Variants in PTPRT observed in about 807,000 individuals in gnomAD.
PTPRT encodes the protein receptor-type tyrosine-protein phosphatase T.
In PTPRT, 56 loss-of-function variants were observed where a neutral mutation model predicts 176.8. The ratio of observed to expected loss-of-function variants is 0.32; its 90% CI spans 0.26 to 0.40. The LOEUF is 0.40. PTPRT is among the 10% of genes least tolerant of loss of function. The pLI is 1.00. For missense variants in PTPRT, 1,540 were observed against 1,908.2 expected, an observed-to-expected ratio of 0.81 and a Z score of 3.60; for synonymous variants, 783 against 739.0, an observed-to-expected ratio of 1.06 and a Z score of -0.96.
chr20:42,209,585 A>G (rs949987344), intron 15 of PTPRT, among the ~76,000 whole-genome samples: 48 of 152,262 alleles, frequency 3.2e-4, no homozygotes, highest in African/African-American at 1.1e-3. Flanking sequence ...CACTCTCCCA[A>G]GACTAAACCA....
chr20:42,543,128 C>CAGTGA (rs2072613343), intron 7 of PTPRT, among the ~76,000 whole-genome samples: 1 of 152,136 alleles, frequency 6.6e-6, no homozygotes, highest in Non-Finnish European at 1.5e-5. Flanking sequence ...AATAAAACAA[C>CAGTGA]AGTGAAGTTT....
chr20:42,429,611 G>A (rs1346354931), intron 9 of PTPRT, among the ~76,000 whole-genome samples: 1 of 152,164 alleles, frequency 6.6e-6, no homozygotes, highest in Non-Finnish European at 1.5e-5. Flanking sequence ...AAAGGTGGAG[G>A]GAAGACATGA....
intron 1 of PTPRT, among the ~76,000 whole-genome samples, chr20:42,928,896 A>C (rs1979655942): frequency 6.6e-6 from 1 of 152,226 alleles, no homozygotes; most frequent in African/African-American, 2.4e-5. Context: ...TGTCAGTCCC[A>C]TCTTTTGATT....
At chr20:42,836,675 T>G (rs558760318) in intron 2 of PTPRT, among the ~76,000 whole-genome samples, 37 of 152,302 alleles carry the variant, frequency 2.4e-4, no homozygotes, top group Admixed American at 6.5e-4. Context: ...GAATCCTTAA[T>G]CGGCCACTGA....
intron 7 of PTPRT, among the ~76,000 whole-genome samples, chr20:42,478,865 C>T (rs1298196393): frequency 1.3e-5 from 2 of 152,118 alleles, no homozygotes; most frequent in Non-Finnish European, 2.9e-5. Context: ...CATTTTATAA[C>T]TATAACATAC....
intron 1 of PTPRT, among the ~76,000 whole-genome samples, chr20:42,934,466 C>T (rs1017975809): frequency 2.0e-5 from 3 of 152,178 alleles, no homozygotes; most frequent in African/African-American, 7.2e-5. Context: ...CCAGGCAGAG[C>T]TCAGCTGGGT....
intron 6 of PTPRT, among the ~76,000 whole-genome samples, chr20:42,699,569 A>G (rs1285833062): frequency 6.6e-6 from 1 of 152,226 alleles, no homozygotes. Flanking sequence ...AAGCAATAAT[A>G]TGAAACACAT....
At chr20:42,958,203 G>A (rs187050945) in intron 1 of PTPRT, among the ~76,000 whole-genome samples, 48 of 113,750 alleles carry the variant, frequency 4.2e-4, no homozygotes, top group African/African-American at 1.7e-3. Flanking sequence ...GGGACAGAAG[G>A]TGGGGGACAG....
intron 23 of PTPRT, among the ~76,000 whole-genome samples, chr20:42,109,405 A>G (rs1360947666): frequency 6.6e-6 from 1 of 152,168 alleles, no homozygotes. Flanking sequence ...CCTTGACAGG[A>G]TACTTCATCT....
At chr20:42,674,439 T>C (rs574491742) in intron 7 of PTPRT, among the ~76,000 whole-genome samples, 31 of 152,306 alleles carry the variant, frequency 2.0e-4, no homozygotes, top group East Asian at 1.2e-3. Context: ...CATCTTGCGA[T>C]TGAATTTCAA....
At chr20:43,129,060 T>C (rs2013554345) in intron 1 of PTPRT, among the ~76,000 whole-genome samples, 1 of 152,222 alleles carries the variant, frequency 6.6e-6, no homozygotes, top group Non-Finnish European at 1.5e-5. Context: ...CCTGCTTGTT[T>C]TCTTGTTGTA....
At chr20:42,341,373 C>G (rs2058108729) in intron 11 of PTPRT, among the ~76,000 whole-genome samples, 1 of 152,094 alleles carries the variant, frequency 6.6e-6, no homozygotes, top group Non-Finnish European at 1.5e-5. Context: ...GTGTGTCTTT[C>G]TTCTTTTCTA....
intron 25 of PTPRT, among the ~76,000 whole-genome samples, chr20:42,103,007 T>C (rs1986093182): frequency 6.6e-6 from 1 of 152,218 alleles, no homozygotes; most frequent in African/African-American, 2.4e-5. Flanking sequence ...GTTTTAGGGA[T>C]TGCTAAGGTA....
intron 1 of PTPRT, among the ~76,000 whole-genome samples, chr20:42,948,807 C>G (rs931346035): frequency 2.0e-5 from 3 of 152,146 alleles, no homozygotes; most frequent in Non-Finnish European, 4.4e-5. Flanking sequence ...TAACCAACAA[C>G]CCCAGCTAGA....
chr20:42,508,828 GA>G (rs2145444603), intron 7 of PTPRT, among the ~76,000 whole-genome samples: 1 of 149,538 alleles, frequency 6.7e-6, no homozygotes, highest in East Asian at 2.0e-4. Context: ...TTTTGTACTG[GA>G]AACTCTGGTC....
At chr20:42,956,784 C>T (rs1600592778) in intron 1 of PTPRT, among the ~76,000 whole-genome samples, 1 of 152,208 alleles carries the variant, frequency 6.6e-6, no homozygotes, top group East Asian at 1.9e-4. Flanking sequence ...ACAGCAACAA[C>T]GGTCAGGACT....
chr20:42,663,617 T>C (rs1196205785), intron 7 of PTPRT, among the ~76,000 whole-genome samples: 1 of 151,962 alleles, frequency 6.6e-6, no homozygotes, highest in Non-Finnish European at 1.5e-5. Flanking sequence ...AAATGGGGAG[T>C]TCTGGTCAAT....
chr20:42,862,911 T>C (rs2078686412), intron 2 of PTPRT, among the ~76,000 whole-genome samples: 1 of 152,168 alleles, frequency 6.6e-6, no homozygotes, highest in Non-Finnish European at 1.5e-5. Context: ...CCAGCTGTTC[T>C]TCAAGGTTAC....
chr20:42,997,418 AAGAAGAGG>A (rs144493314), intron 1 of PTPRT, among the ~76,000 whole-genome samples: 1,745 of 152,262 alleles, frequency 0.011, 47 homozygotes, highest in African/African-American at 0.039. Context: ...CAAGCAGTTC[AAGAAGAGG>A]CACACTTGAG....
Sources: allele counts gnomAD v4.1 joint callset (sites outside exome capture counted in the v4.1 genomes callset), GRCh38; gene constraint gnomAD v4.1.1; transcripts MANE v1.5; gene names NCBI Gene and HGNC (gene_info 2026-07-23, HGNC 2026-07-21).